ZC3H12B: variants seen among roughly 807,000 people sequenced by gnomAD.
The protein encoded by ZC3H12B is zinc finger CCCH-type containing 12B.
In ZC3H12B, 7 loss-of-function variants were observed where a neutral mutation model predicts 43.9. The observed-to-expected ratio is 0.16, with a 90% confidence interval of 0.09 to 0.30. The LOEUF is 0.30. Ranked by LOEUF, ZC3H12B falls within the 10% of genes least tolerant of loss-of-function variation. The pLI is 1.00. For synonymous variants in ZC3H12B, 222 were observed against 241.7 expected (o/e 0.92, Z 0.76); for missense variants, 475 against 670.2 (o/e 0.71, Z 3.22).
chrX:65,488,806 C>T (rs748596450), exon 1 of ZC3H12B: 6 of 1,180,119 alleles, frequency 5.1e-6, no homozygotes, highest in Non-Finnish European at 4.5e-6. Context: ...AACGGGATGA[C>T]GGCCACAGCT....
the ZC3H12B span, chrX:65,328,074 T>A: frequency 3.8e-6 from 1 of 262,559 alleles, no homozygotes; most frequent in Non-Finnish European, 7.6e-6. Context: ...GCCAGGTACT[T>A]TAGGAAATAA....
chrX:65,440,270 T>C (rs1478786807), intron 3 of ZC3H12B, among the ~76,000 whole-genome samples: 1 of 112,353 alleles, frequency 8.9e-6, no homozygotes, highest in Non-Finnish European at 1.9e-5. Flanking sequence ...ATGTGAGTGA[T>C]GTAAAAAGGG....
chrX:65,046,721 T>C, the ZC3H12B span, among the ~76,000 whole-genome samples: 1 of 111,881 alleles, frequency 8.9e-6, no homozygotes, highest in African/African-American at 3.2e-5. Context: ...GAGACCTAGT[T>C]TTTGGCCTAT....
chrX:65,455,121 G>A (rs1169896703), intron 3 of ZC3H12B, among the ~76,000 whole-genome samples: 2 of 112,441 alleles, frequency 1.8e-5, no homozygotes, highest in African/African-American at 6.5e-5. Context: ...AACAAAGCTG[G>A]ATGGAGAATT....
the ZC3H12B span, among the ~76,000 whole-genome samples, chrX:65,226,051 G>C: frequency 1.3e-4 from 15 of 111,179 alleles, no homozygotes; most frequent in African/African-American, 4.9e-4. Flanking sequence ...CTCAAGAAGA[G>C]CAACTCCAAG....
At chrX:65,109,665 C>T in the ZC3H12B span, among the ~76,000 whole-genome samples, 2 of 111,780 alleles carry the variant, frequency 1.8e-5, no homozygotes, top group South Asian at 7.4e-4. Context: ...CATTTTTGTA[C>T]AAGTCTTTTT....
chrX:65,307,144 ATATT>A, the ZC3H12B span, among the ~76,000 whole-genome samples: 1 of 112,344 alleles, frequency 8.9e-6, no homozygotes, highest in African/African-American at 3.2e-5. Context: ...TAGAGTGTAA[ATATT>A]TAGTTTATTG....
chrX:65,474,112 A>G (rs932880544), intron 3 of ZC3H12B, among the ~76,000 whole-genome samples: 1 of 111,795 alleles, frequency 8.9e-6, no homozygotes, highest in South Asian at 3.7e-4. Context: ...CTGTCTTCAG[A>G]TCTGTTGATA....
the ZC3H12B span, among the ~76,000 whole-genome samples, chrX:65,214,797 G>A: frequency 2.7e-5 from 3 of 111,712 alleles, no homozygotes; most frequent in South Asian, 1.1e-3. Flanking sequence ...TTATCAAGGT[G>A]CATCAGAGGA....
the ZC3H12B span, among the ~76,000 whole-genome samples, chrX:65,212,527 T>G: frequency 2.7e-5 from 2 of 73,948 alleles, no homozygotes; most frequent in Non-Finnish European, 4.6e-5. Context: ...TTTTATTATA[T>G]TACATATAAT....
intron 1 of ZC3H12B, 23 bp from the exon 4 acceptor site, chrX:65,368,806 T>A (rs959723266): frequency 8.9e-6 from 1 of 112,421 alleles, no homozygotes; most frequent in Admixed American, 9.5e-5. Context: ...TGCCTTCTGC[T>A]CATTGAATCT....
At chrX:65,212,538 G>A in the ZC3H12B span, among the ~76,000 whole-genome samples, 2 of 68,794 alleles carry the variant, frequency 2.9e-5, no homozygotes, top group African/African-American at 6.0e-5. Flanking sequence ...TACATATAAT[G>A]TATATTTATA....
the ZC3H12B span, among the ~76,000 whole-genome samples, chrX:65,240,046 G>C: frequency 1.8e-5 from 2 of 111,055 alleles, no homozygotes; most frequent in Admixed American, 1.9e-4. Flanking sequence ...TGATGATTAT[G>C]TGTCTTGGGG....
chrX:65,122,209 G>T, the ZC3H12B span, among the ~76,000 whole-genome samples: 1 of 110,777 alleles, frequency 9.0e-6, no homozygotes, highest in Non-Finnish European at 1.9e-5. Flanking sequence ...CTACAAGCTA[G>T]AAGAGAGTGG....
At chrX:65,357,884 A>C in the ZC3H12B span, among the ~76,000 whole-genome samples, 1 of 111,730 alleles carries the variant, frequency 9.0e-6, no homozygotes, top group Admixed American at 9.5e-5. Flanking sequence ...CCCAATTAAA[A>C]GATACAGTCT....
chrX:65,227,800 C>A, the ZC3H12B span, among the ~76,000 whole-genome samples: 1 of 111,185 alleles, frequency 9.0e-6, no homozygotes, highest in Admixed American at 9.6e-5. Context: ...GGATAAATTC[C>A]TCGACACATA....
At chrX:65,254,020 C>G in the ZC3H12B span, among the ~76,000 whole-genome samples, 1 of 112,189 alleles carries the variant, frequency 8.9e-6, no homozygotes, top group Non-Finnish European at 1.9e-5. Context: ...TGCTGCACCA[C>G]CACTGCCTGT....
At chrX:65,409,114 G>T (rs1439349194) in intron 3 of ZC3H12B, among the ~76,000 whole-genome samples, 2 of 110,531 alleles carry the variant, frequency 1.8e-5, no homozygotes, top group East Asian at 2.8e-4. Flanking sequence ...GGGCAAAATT[G>T]CACTTGACTA....
At chrX:65,486,846 G>A (rs1055224354), upstream of ZC3H12B, among the ~76,000 whole-genome samples, 2 of 112,024 alleles carry the variant, frequency 1.8e-5, no homozygotes, top group Admixed American at 9.5e-5. Flanking sequence ...AAGAGTAGTC[G>A]AGCTTATCTT....
Sources: allele counts gnomAD v4.1 joint callset (sites outside exome capture counted in the v4.1 genomes callset), GRCh38; gene constraint gnomAD v4.1.1; transcripts MANE v1.5; gene names NCBI Gene and HGNC (gene_info 2026-07-23, HGNC 2026-07-21).